Variants in ZNF346 observed in about 807,000 individuals in gnomAD.
The protein encoded by ZNF346 is double-stranded RNA-binding zinc finger protein JAZ.
A neutral mutation model predicts 33.7 loss-of-function variants in ZNF346; 23 were observed. The observed-to-expected ratio is 0.68, with a 90% confidence interval of 0.49 to 0.97. The LOEUF (loss-of-function observed/expected upper bound fraction) is 0.97, where lower values mean the gene tolerates loss of function less well. Among genes scored for constraint, ZNF346 ranks in the 50% least tolerant of loss-of-function variants. The pLI is 0.00. For missense variants in ZNF346, 340 were observed against 371.1 expected, an observed-to-expected ratio of 0.92 and a Z score of 0.69; for synonymous variants, 134 against 142.4, an observed-to-expected ratio of 0.94 and a Z score of 0.42.
downstream of ZNF346, among the ~76,000 whole-genome samples, chr5:177,068,380 T>C (rs1783338325): frequency 6.9e-6 from 1 of 144,138 alleles, no homozygotes; most frequent in Non-Finnish European, 1.5e-5. Context: ...AAAATCCACA[T>C]ACAATGATAG....
downstream of ZNF346, among the ~76,000 whole-genome samples, chr5:177,069,305 A>C (rs1258876037): frequency 2.6e-5 from 4 of 151,802 alleles, no homozygotes; most frequent in Non-Finnish European, 5.9e-5. Flanking sequence ...AAAAATACAA[A>C]AATTAGCTGG....
At chr5:177,072,478 A>G (rs1219203233), downstream of ZNF346, among the ~76,000 whole-genome samples, 1 of 152,020 alleles carries the variant, frequency 6.6e-6, no homozygotes, top group Non-Finnish European at 1.5e-5. Context: ...TGAGCCTGTG[A>G]CCCGACTGAG....
At chr5:177,028,778 GGT>G (rs1166204733) in intron 1 of ZNF346, among the ~76,000 whole-genome samples, 1 of 136,208 alleles carries the variant, frequency 7.3e-6, no homozygotes, top group Non-Finnish European at 1.5e-5. Context: ...GGAGTGCAGT[GGT>G]GCGATCTCGG....
At position 177,067,892 on chromosome 5, in the gene ZNF346, G is replaced by A. The variant is rs1783308696; in HGVS notation, c.*3293G>A. Among the ~76,000 whole-genome samples the A allele has an allele frequency of 6.6e-6, 1 of 152,068 alleles. No individual in the cohort carries two copies. The highest frequency in any genetic ancestry group is 1.5e-5 in the Non-Finnish European group (1 of 68,006). On this transcript the variant is annotated 3_prime_UTR_variant, in exon 7 of 7. Transcript: ENST00000358149. ...GGCCAAGGCGGGTGTATCACTTGCG[G>A]CCGGGAGTTTAAGACCATCCTGGCC...
chr5:177,036,412 TC>T (rs1223390104), intron 1 of ZNF346, among the ~76,000 whole-genome samples: 1 of 152,210 alleles, frequency 6.6e-6, no homozygotes, highest in Non-Finnish European at 1.5e-5. Context: ...AAGATCTTGT[TC>T]TAAACACCTG....
chr5:177,041,255 C>T (rs1034794720), intron 2 of ZNF346, 26 bp downstream of exon 2: 9 of 1,578,524 alleles, frequency 5.7e-6, no homozygotes, highest in African/African-American at 4.0e-5. Context: ...TTTAGAACTG[C>T]GTTTCTTTTC....
intron 4 of ZNF346, among the ~76,000 whole-genome samples, chr5:177,048,281 A>G (rs1000684944): frequency 1.3e-5 from 2 of 152,172 alleles, no homozygotes; most frequent in Non-Finnish European, 2.9e-5. Context: ...CTCTCTTAAC[A>G]ACCATTATAC....
intron 1 of ZNF346, among the ~76,000 whole-genome samples, chr5:177,026,142 T>C (rs920575340): frequency 6.6e-6 from 1 of 151,810 alleles, no homozygotes; most frequent in Non-Finnish European, 1.5e-5. Flanking sequence ...GTAGCTGGGA[T>C]TACAGGTGTT....
chr5:177,055,907 C>A (rs1159584107), intron 5 of ZNF346, among the ~76,000 whole-genome samples: 2 of 152,018 alleles, frequency 1.3e-5, no homozygotes, highest in African/African-American at 4.8e-5. Flanking sequence ...GAAACCCCGT[C>A]TCTATTAAAA....
At chr5:177,052,040 T>A (rs1781004292) in intron 5 of ZNF346, among the ~76,000 whole-genome samples, 1 of 152,098 alleles carries the variant, frequency 6.6e-6, no homozygotes, top group Non-Finnish European at 1.5e-5. Context: ...GGCGCATGTC[T>A]GTAGTCCCAG....
chr5:177,050,126 G>A (rs559306317), intron 4 of ZNF346, among the ~76,000 whole-genome samples: 5 of 152,146 alleles, frequency 3.3e-5, no homozygotes, highest in African/African-American at 7.2e-5. Flanking sequence ...TGAGCAAAAC[G>A]CATAACTAAA....
intron 1 of ZNF346, among the ~76,000 whole-genome samples, chr5:177,040,191 AAAAC>A (rs1170177158): frequency 6.6e-6 from 1 of 151,234 alleles, no homozygotes; most frequent in Non-Finnish European, 1.5e-5. Flanking sequence ...AAAAAAAAAA[AAAAC>A]AAACAAAAAT....
downstream of ZNF346, among the ~76,000 whole-genome samples, chr5:177,069,480 T>G (rs1783403365): frequency 1.3e-5 from 2 of 152,130 alleles, no homozygotes; most frequent in African/African-American, 4.8e-5. Context: ...TTGAGTTTTT[T>G]CGTGCTGTGT....
At chr5:177,039,929 C>T (rs879815033) in intron 1 of ZNF346, among the ~76,000 whole-genome samples, 3 of 151,762 alleles carry the variant, frequency 2.0e-5, no homozygotes, top group Non-Finnish European at 4.4e-5. Context: ...GCCTGTAATC[C>T]CAGCACTTTG....
chr5:177,058,077 T>A (rs1781985657), intron 5 of ZNF346, among the ~76,000 whole-genome samples: 1 of 150,936 alleles, frequency 6.6e-6, no homozygotes, highest in African/African-American at 2.4e-5. Flanking sequence ...CGCCTCAGCC[T>A]CCCAGAGTGC....
intron 4 of ZNF346, among the ~76,000 whole-genome samples, chr5:177,046,402 CGA>C (rs1261827999): frequency 6.6e-6 from 1 of 151,658 alleles, no homozygotes; most frequent in Non-Finnish European, 1.5e-5. Context: ...ATTTCATACT[CGA>C]GATTATTTTC....
chr5:177,062,404 A>G (rs1415411863), intron 6 of ZNF346, among the ~76,000 whole-genome samples: 2 of 152,222 alleles, frequency 1.3e-5, no homozygotes, highest in African/African-American at 4.8e-5. Context: ...GTGGGACCCT[A>G]AGAACACCTG....
intron 4 of ZNF346, among the ~76,000 whole-genome samples, chr5:177,047,881 C>T (rs996208097): frequency 6.6e-6 from 1 of 152,144 alleles, no homozygotes; most frequent in Non-Finnish European, 1.5e-5. Flanking sequence ...TCAGGTGATT[C>T]ACCCGCTTCT....
At position 177,064,896 on chromosome 5, in the gene ZNF346, G is replaced by A. The variant is rs1477903386; in HGVS notation, c.*297G>A. 5.5e-6 allele frequency: 2 copies of A among 362,434 alleles called. No individual in the cohort carries two copies. Among genetic ancestry groups the A allele is most frequent in the Admixed American group, 4.2e-5 (1 of 23,746 alleles). 22.5% of individuals were successfully genotyped at this position (362,434 alleles called of 1,614,324 possible). ...ATTTCCCAACCCCTCTGGGCCTTAGGTGCTGAGGCCCCTGCCACCTGTCTT... is the reference window on the plus strand; with the variant it reads ...ATTTCCCAACCCCTCTGGGCCTTAGATGCTGAGGCCCCTGCCACCTGTCTT... On this transcript the variant is annotated 3_prime_UTR_variant, in exon 7 of 7. Transcript: ENST00000358149.
Sources: gnomAD v4.1 joint callset for allele counts (sites outside exome capture counted in the v4.1 genomes callset) on GRCh38, gnomAD v4.1.1 for gene constraint, MANE v1.5 for transcripts, NCBI Gene and HGNC (gene_info 2026-07-23, HGNC 2026-07-21) for gene names.